The following MRPS35 variants were observed in gnomAD, a reference collection of about 807,000 sequenced individuals.
The protein encoded by MRPS35 is mitochondrial ribosomal protein S35.
In MRPS35, 29 loss-of-function variants were observed where a neutral mutation model predicts 32.7. The observed-to-expected ratio is 0.89, with a 90% CI of 0.66 to 1.21. The LOEUF (loss-of-function observed/expected upper bound fraction) is 1.21. Among genes scored for constraint, MRPS35 ranks in the 50% most tolerant of loss-of-function variants. The pLI is 0.00. For synonymous variants in MRPS35, 148 were observed against 139.3 expected (o/e 1.06, Z -0.44); for missense variants, 373 against 383.8 (o/e 0.97, Z 0.23).
At position 27,710,841 on chromosome 12, in the gene MRPS35, G is replaced by T. The variant is rs17523387; in HGVS notation, c.-3G>T. The T allele has an allele frequency of 9.2e-5, 147 of 1,603,460 alleles. No individual in the cohort carries two copies. In the East Asian group the frequency reaches 3.2e-3, roughly 35 times the overall value. ...TCCCCTCCGGCTTGCCGTCCTCGCA[G>T]CCATGGCGGCCGCCGCGCTCCCAGC... On this transcript the variant is annotated 5_prime_UTR_variant, in exon 1 of 8. Transcript: ENST00000081029.
At chr12:27,731,552 A>G (rs557266346) in intron 5 of MRPS35, among the ~76,000 whole-genome samples, 8 of 152,046 alleles carry the variant, frequency 5.3e-5, no homozygotes, top group Middle Eastern at 3.4e-3. Flanking sequence ...GGCTGTACCA[A>G]TTTTTTTCTT....
chr12:27,716,569 G>T, intron 3 of MRPS35, 111 bp downstream of exon 3: 1 of 988,938 alleles, frequency 1.0e-6, no homozygotes, highest in East Asian at 2.7e-5. Context: ...GCAGCTTAGT[G>T]TATTTTAATT....
chr12:27,719,723 C>T, intron 3 of MRPS35, 85 bp from the exon 4 acceptor site: 3 of 831,884 alleles, frequency 3.6e-6, no homozygotes, highest in Non-Finnish European at 5.8e-6. Flanking sequence ...TTTATTGGGC[C>T]TGTGATTTAG....
At chr12:27,715,156 G>T (rs1007978565) in intron 2 of MRPS35, among the ~76,000 whole-genome samples, 1 of 152,110 alleles carries the variant, frequency 6.6e-6, no homozygotes, top group African/African-American at 2.4e-5. Flanking sequence ...ATTTATTTGA[G>T]ATAGAGTTTC....
At position 27,713,796 on chromosome 12, in the gene MRPS35, T is replaced by C. The variant is rs545946592; in HGVS notation, c.113-984T>C. Among the ~76,000 whole-genome samples, 128 of 152,178 alleles carry C rather than the reference T, an allele frequency of 8.4e-4. 1 individual carries two copies. The highest frequency in any genetic ancestry group is 2.9e-3 in the African/African-American group (122 of 41,548). On this transcript the variant is annotated intron_variant, in intron 1 of 7. Transcript: ENST00000081029. ...CAATCCAGTCAAATTGACACAAAGT[T>C]AACTATCATGGCTGGGCACAGTGAC...
At chr12:27,743,400 C>T (rs894816240) in intron 7 of MRPS35, among the ~76,000 whole-genome samples, 3 of 151,902 alleles carry the variant, frequency 2.0e-5, no homozygotes, top group Admixed American at 1.3e-4. Context: ...TGGTGGCGGG[C>T]ACCTGTAATC....
At chr12:27,735,780 A>G (rs146584867) in intron 6 of MRPS35, among the ~76,000 whole-genome samples, 2 of 152,310 alleles carry the variant, frequency 1.3e-5, no homozygotes, top group South Asian at 2.1e-4. Context: ...GTTATTTTTA[A>G]CCTTGATTTT....
At chr12:27,731,906 A>G (rs552014356) in intron 5 of MRPS35, among the ~76,000 whole-genome samples, 1 of 152,302 alleles carries the variant, frequency 6.6e-6, no homozygotes, top group African/African-American at 2.4e-5. Context: ...AAGCTTTCCA[A>G]TCTTTTTTAT....
intron 7 of MRPS35, among the ~76,000 whole-genome samples, chr12:27,748,575 A>T (rs770059070): frequency 2.0e-5 from 3 of 151,896 alleles, no homozygotes; most frequent in Non-Finnish European, 4.4e-5. Context: ...AGTGATGATC[A>T]GTTTGAGCTT....
chr12:27,723,280 T>C (rs1239993683), intron 4 of MRPS35, among the ~76,000 whole-genome samples: 1 of 152,112 alleles, frequency 6.6e-6, no homozygotes, highest in Admixed American at 6.6e-5. Flanking sequence ...TTAAGTTTTT[T>C]TTTTTTTCCC....
intron 5 of MRPS35, among the ~76,000 whole-genome samples, chr12:27,728,737 T>C (rs551948040): frequency 6.6e-6 from 1 of 152,152 alleles, no homozygotes; most frequent in Non-Finnish European, 1.5e-5. Flanking sequence ...GAATTTGACT[T>C]GTTAAAGAGA....
Position 27,722,837 on chromosome 12 carries a change from T to G in MRPS35, c.383-1210T>G, listed in dbSNP as rs530819326. 2.0e-5 allele frequency among the ~76,000 whole-genome samples: 3 copies of G among 152,356 alleles called. No homozygotes were observed. In the South Asian group the frequency reaches 6.2e-4, roughly 32 times the overall value. On this transcript the variant is annotated intron_variant, in intron 4 of 7. Transcript: ENST00000081029. Reference sequence around the variant, plus strand: ...TTAGTCCCAGATATCAGAGAGTCTTTGTAATCCAGAGTGACATTTTGCAGA... The same window carrying G: ...TTAGTCCCAGATATCAGAGAGTCTTGGTAATCCAGAGTGACATTTTGCAGA...
chr12:27,720,973 A>G (rs1456356925), intron 4 of MRPS35, among the ~76,000 whole-genome samples: 2 of 152,142 alleles, frequency 1.3e-5, no homozygotes, highest in Non-Finnish European at 2.9e-5. Flanking sequence ...GTACCTTTGG[A>G]TAAAGTCTTA....
At chr12:27,728,470 T>C (rs1389395798) in intron 5 of MRPS35, among the ~76,000 whole-genome samples, 1 of 152,136 alleles carries the variant, frequency 6.6e-6, no homozygotes, top group Non-Finnish European at 1.5e-5. Flanking sequence ...CTTCAGTGTG[T>C]TATCTCTAAG....
intron 7 of MRPS35, among the ~76,000 whole-genome samples, chr12:27,746,998 T>G (rs1425681945): frequency 6.6e-6 from 1 of 152,182 alleles, no homozygotes; most frequent in Non-Finnish European, 1.5e-5. Context: ...ACAAGTCTCT[T>G]GTACCATATT....
At chr12:27,719,447 A>C (rs2061864122) in intron 3 of MRPS35, among the ~76,000 whole-genome samples, 1 of 152,192 alleles carries the variant, frequency 6.6e-6, no homozygotes, top group African/African-American at 2.4e-5. Flanking sequence ...CGGGTGGATC[A>C]TGAGGTCAGG....
intron 5 of MRPS35, among the ~76,000 whole-genome samples, chr12:27,732,958 CT>C (rs1463292617): frequency 8.7e-6 from 1 of 115,372 alleles, no homozygotes; most frequent in Non-Finnish European, 1.8e-5. Context: ...TTATGTAGCT[CT>C]TTTTGTGTTA....
chr12:27,729,105 C>T (rs2061911462), intron 5 of MRPS35, among the ~76,000 whole-genome samples: 1 of 152,048 alleles, frequency 6.6e-6, no homozygotes, highest in Admixed American at 6.5e-5. Flanking sequence ...TCTTTTTGGT[C>T]CTCGAAGTAT....
intron 3 of MRPS35, among the ~76,000 whole-genome samples, chr12:27,717,296 T>A (rs1221245588): frequency 6.6e-6 from 1 of 152,210 alleles, no homozygotes; most frequent in Admixed American, 6.5e-5. Flanking sequence ...GGAATTTAAA[T>A]TTTTTCTGTC....
Sources: gnomAD v4.1 joint callset for allele counts (sites outside exome capture counted in the v4.1 genomes callset) on GRCh38, gnomAD v4.1.1 for gene constraint, MANE v1.5 for transcripts, NCBI Gene and HGNC (gene_info 2026-07-23, HGNC 2026-07-21) for gene names.